SYT16: variants seen among roughly 807,000 people sequenced by gnomAD.
The protein encoded by SYT16 is synaptotagmin 16.
Under a neutral mutation model 61.4 loss-of-function variants are expected in SYT16, and 42 were observed. That is an observed-to-expected ratio of 0.68 (90% CI 0.53 to 0.89). SYT16 has a LOEUF of 0.89. SYT16 is among the 40% of genes least tolerant of loss of function. SYT16 has a pLI of 0.00. For missense variants in SYT16, 804 were observed against 807.3 expected (o/e 1.00, Z 0.05); for synonymous variants, 314 against 302.3 (o/e 1.04, Z -0.40).
chr14:61,998,452 C>T (rs898998134), intron 3 of SYT16, among the ~76,000 whole-genome samples: 6 of 151,874 alleles, frequency 4.0e-5, no homozygotes, highest in East Asian at 1.9e-4. Context: ...CACAGTTTGT[C>T]GTCTTTTGAG....
chr14:62,003,216 T>C (rs917872565), intron 3 of SYT16, among the ~76,000 whole-genome samples: 1 of 152,046 alleles, frequency 6.6e-6, no homozygotes, highest in African/African-American at 2.4e-5. Flanking sequence ...ATTTTGCCTG[T>C]AGTAGCCATT....
intron 1 of SYT16, among the ~76,000 whole-genome samples, chr14:61,831,200 A>G (rs1254376772): frequency 6.6e-6 from 1 of 152,226 alleles, no homozygotes; most frequent in East Asian, 1.9e-4. Context: ...GCAGTTATCC[A>G]GCTCCAAATC....
chr14:61,901,324 T>C (rs759284565), intron 1 of SYT16, among the ~76,000 whole-genome samples: 1 of 152,194 alleles, frequency 6.6e-6, no homozygotes, highest in Non-Finnish European at 1.5e-5. Flanking sequence ...GCACGTAATA[T>C]GTGCCAGGCC....
chr14:61,902,299 C>T (rs545508812), intron 1 of SYT16, among the ~76,000 whole-genome samples: 1 of 152,298 alleles, frequency 6.6e-6, no homozygotes, highest in African/African-American at 2.4e-5. Context: ...TCATCTTTGG[C>T]ACAGCCTAAA....
chr14:61,991,779 T>C (rs1566743902), intron 2 of SYT16, among the ~76,000 whole-genome samples: 1 of 152,210 alleles, frequency 6.6e-6, no homozygotes, highest in Non-Finnish European at 1.5e-5. Flanking sequence ...CTTCTGGTTG[T>C]ATCCGTCCTC....
At chr14:62,074,541 C>T (rs916710030) in intron 4 of SYT16, among the ~76,000 whole-genome samples, 9 of 152,140 alleles carry the variant, frequency 5.9e-5, no homozygotes, top group Non-Finnish European at 1.3e-4. Context: ...CATGTGTCCA[C>T]AGTGACCCTC....
intron 3 of SYT16, among the ~76,000 whole-genome samples, chr14:62,047,875 G>C (rs899258802): frequency 2.0e-5 from 3 of 152,184 alleles, no homozygotes; most frequent in African/African-American, 7.2e-5. Flanking sequence ...GATTCGGTTT[G>C]CCAGTATTTT....
intron 3 of SYT16, among the ~76,000 whole-genome samples, chr14:62,042,183 TG>T (rs1386660825): frequency 3.3e-5 from 5 of 152,132 alleles, no homozygotes; most frequent in Non-Finnish European, 7.4e-5. Flanking sequence ...TGCTTTTTTT[TG>T]TGGGGGTGGG....
At chr14:62,028,620 G>A (rs2054190754) in intron 3 of SYT16, among the ~76,000 whole-genome samples, 2 of 152,164 alleles carry the variant, frequency 1.3e-5, no homozygotes, top group Admixed American at 6.6e-5. Flanking sequence ...AAGTGTCAAA[G>A]TAGGATTAAG....
At chr14:62,075,442 C>G in intron 5 of SYT16, 51 bp downstream of exon 5, 2 of 1,521,650 alleles carry the variant, frequency 1.3e-6, no homozygotes, top group South Asian at 1.3e-5. Flanking sequence ...CCCTTCCCCT[C>G]TTTCCACTCT....
At chr14:62,084,930 C>G (rs1472977037) in intron 7 of SYT16, among the ~76,000 whole-genome samples, 1 of 152,164 alleles carries the variant, frequency 6.6e-6, no homozygotes, top group Non-Finnish European at 1.5e-5. Context: ...CCATGCCTAT[C>G]ACATAGTGAA....
chr14:62,011,874 T>TACACACACAC (rs576570781), intron 3 of SYT16, among the ~76,000 whole-genome samples: 2,978 of 136,426 alleles, frequency 0.022, 72 homozygotes, highest in African/African-American at 0.047. Flanking sequence ...ACACTATATA[T>TACACACACAC]ACACACACAC....
chr14:62,041,992 C>G (rs193225751), intron 3 of SYT16, among the ~76,000 whole-genome samples: 1 of 152,274 alleles, frequency 6.6e-6, no homozygotes, highest in East Asian at 1.9e-4. Context: ...AATCTTTCAT[C>G]TCTTTACCTA....
chr14:61,965,253 G>A (rs1215971394), intron 1 of SYT16, among the ~76,000 whole-genome samples: 3 of 152,106 alleles, frequency 2.0e-5, no homozygotes, highest in Non-Finnish European at 2.9e-5. Flanking sequence ...CGCCTTCTGA[G>A]TCATTGCTAT....
In SYT16 at chr14:62,101,881, T is replaced by A. The variant is rs535974439; in HGVS notation, c.*1174T>A. ...CAATCTGGGCATGTGCCATTCAGAA[T>A]ACTGATCTTGTATGGTTATGAGCAT... On this transcript the variant is annotated 3_prime_UTR_variant, in exon 8 of 8. Transcript: ENST00000683842. 7 of 152,360 alleles carry A rather than the reference T, an allele frequency of 4.6e-5. No homozygotes were observed. The highest frequency in any genetic ancestry group is 2.6e-4 in the Admixed American group (4 of 15,302). The allele number at this position is 152,360 out of a possible 1,614,324, so 9.4% of individuals were successfully genotyped here. A position where few individuals can be genotyped will look rare whatever the true frequency, so the allele number is the denominator to read the frequency against.
intron 1 of SYT16, among the ~76,000 whole-genome samples, chr14:61,818,631 T>C (rs540410137): frequency 1.3e-5 from 2 of 150,948 alleles, no homozygotes; most frequent in Non-Finnish European, 2.9e-5. Flanking sequence ...TGAGCCGAGA[T>C]TGCTTCACCG....
In SYT16 at chr14:61,874,768, A is replaced by G. The variant is rs974614223; in HGVS notation, c.-325+61958A>G. Among the ~76,000 whole-genome samples, 7 of 141,810 alleles carry G rather than the reference A, an allele frequency of 4.9e-5. No individual in the cohort carries two copies. The East Asian group carries it at 1.2e-3, about 25-fold the overall frequency. The allele number at this position is 141,810 out of a possible 152,430, so 93.0% of individuals were successfully genotyped here. ...ACATTTTCAGAGCCAATGCAGCAAG[A>G]TTTTTTTTTTTTTTTTTTACATGTT... On this transcript the variant is annotated intron_variant, in intron 1 of 7. Coordinates refer to ENST00000683842, the MANE Select transcript of SYT16 (RefSeq NM_001367656.1).
intron 7 of SYT16, among the ~76,000 whole-genome samples, chr14:62,098,533 GGC>G (rs1235895940): frequency 3.9e-5 from 6 of 152,130 alleles, no homozygotes; most frequent in African/African-American, 1.4e-4. Flanking sequence ...ACTGTTTTCT[GGC>G]ACTCTAGTGG....
chr14:61,972,456 A>G (rs2051601564), intron 2 of SYT16, among the ~76,000 whole-genome samples: 1 of 152,240 alleles, frequency 6.6e-6, no homozygotes, highest in South Asian at 2.1e-4. Context: ...CTCAGGAAAC[A>G]CTGAAAAATA....
Sources: allele counts gnomAD v4.1 joint callset (sites outside exome capture counted in the v4.1 genomes callset), GRCh38; gene constraint gnomAD v4.1.1; transcripts MANE v1.5; gene names NCBI Gene and HGNC (gene_info 2026-07-23, HGNC 2026-07-21).